The following BTBD7 variants were observed in gnomAD, a reference collection of about 807,000 sequenced individuals.
BTBD7 encodes BTB/POZ domain-containing protein 7.
In BTBD7, 38 loss-of-function variants were observed where a neutral mutation model predicts 99.9. That is an observed-to-expected ratio of 0.38 (90% CI 0.29 to 0.50). The LOEUF is 0.50. BTBD7 is among the 20% of genes least tolerant of loss of function. The probability of loss-of-function intolerance (pLI) is 0.93; values close to 1 mark genes in which losing one functional copy is unlikely to be tolerated. For missense variants in BTBD7, 1,170 were observed against 1,394.6 expected (o/e 0.84, Z 2.57); for synonymous variants, 520 against 511.4 (o/e 1.02, Z -0.23).
Position 93,282,115 on chromosome 14 carries a change from G to A in BTBD7, c.1162+11743C>T, listed in dbSNP as rs564518102. Among the ~76,000 whole-genome samples the A allele has an allele frequency of 9.5e-4, 144 of 152,274 alleles. 2 individuals carry two copies. Among genetic ancestry groups the A allele is most frequent in the African/African-American group, 3.3e-3 (139 of 41,556 alleles). On this transcript the variant is annotated intron_variant, in intron 3 of 10. Coordinates refer to ENST00000334746, the MANE Select transcript of BTBD7 (RefSeq NM_001002860.4). ...CATTTCTATTACAGGAAGCATGACAGCAGTTACCACATAGGTTACTATAAA... is the reference window on the plus strand; with the variant it reads ...CATTTCTATTACAGGAAGCATGACAACAGTTACCACATAGGTTACTATAAA...
chr14:93,310,024 G>A lies in BTBD7; in HGVS notation c.-106-13867C>T, dbSNP rs1046834038. On this transcript the variant is annotated intron_variant, in intron 1 of 10. Coordinates refer to ENST00000334746, the MANE Select transcript of BTBD7 (RefSeq NM_001002860.4). Reference sequence around the variant, plus strand: ...TCTGTTGCAGAGGCTGGGGTGCCGTGGCACAAACATAGCTCACTGCAACCT... The same window carrying A: ...TCTGTTGCAGAGGCTGGGGTGCCGTAGCACAAACATAGCTCACTGCAACCT... Among the ~76,000 whole-genome samples the A allele has an allele frequency of 2.6e-5, 4 of 151,980 alleles. 1 individual carries two copies. Among genetic ancestry groups the A allele is most frequent in the Admixed American group, 6.5e-5 (1 of 15,276 alleles).
At chr14:93,305,744 G>A (rs773308709) in intron 1 of BTBD7, among the ~76,000 whole-genome samples, 6 of 152,162 alleles carry the variant, frequency 3.9e-5, no homozygotes, top group Admixed American at 6.5e-5. Context: ...TTCTGTTGCC[G>A]TAACAGAATA....
At chr14:93,297,861 A>G (rs926463994) in intron 1 of BTBD7, among the ~76,000 whole-genome samples, 67 of 152,286 alleles carry the variant, frequency 4.4e-4, no homozygotes, top group African/African-American at 1.6e-3. Context: ...AATCCAGAAT[A>G]AAACTATCAT....
intron 3 of BTBD7, among the ~76,000 whole-genome samples, chr14:93,291,719 T>C (rs1268764845): frequency 6.6e-6 from 1 of 151,590 alleles, no homozygotes; most frequent in Non-Finnish European, 1.5e-5. Context: ...GTAACCAGAT[T>C]AGACAATGCA....
chr14:93,330,979 T>C (rs1430972562), intron 1 of BTBD7, among the ~76,000 whole-genome samples: 2 of 152,180 alleles, frequency 1.3e-5, no homozygotes, highest in Non-Finnish European at 2.9e-5. Context: ...GGACAGAATA[T>C]TGACCTATGA....
chr14:93,261,565 A>G (rs1450942554), intron 5 of BTBD7, 37 bp downstream of exon 5: 1 of 1,494,886 alleles, frequency 6.7e-7, no homozygotes, highest in East Asian at 2.3e-5. Flanking sequence ...CAAATTTTAC[A>G]CAAGGTAACT....
chr14:93,314,338 T>C (rs1364515186), intron 1 of BTBD7, among the ~76,000 whole-genome samples: 2 of 152,190 alleles, frequency 1.3e-5, no homozygotes, highest in South Asian at 2.1e-4. Context: ...GACTATCTTA[T>C]TTATGAAAAC....
intron 3 of BTBD7, among the ~76,000 whole-genome samples, chr14:93,279,238 T>C (rs901401758): frequency 1.1e-4 from 17 of 152,194 alleles, no homozygotes; most frequent in African/African-American, 3.9e-4. Context: ...ATAGCCGTGT[T>C]TGCCTCTGTT....
intron 1 of BTBD7, among the ~76,000 whole-genome samples, chr14:93,323,974 A>G (rs2053298989): frequency 6.6e-6 from 1 of 152,254 alleles, no homozygotes; most frequent in South Asian, 2.1e-4. Flanking sequence ...CAAACCATAC[A>G]GTCATGTAGA....
chr14:93,302,454 C>T (rs188321381), intron 1 of BTBD7, among the ~76,000 whole-genome samples: 1 of 152,222 alleles, frequency 6.6e-6, no homozygotes, highest in South Asian at 2.1e-4. Flanking sequence ...CGACAGAACA[C>T]GTGTAGCCCA....
chr14:93,267,349 T>TAA, intron 3 of BTBD7, among the ~76,000 whole-genome samples: 1 of 152,214 alleles, frequency 6.6e-6, no homozygotes, highest in Non-Finnish European at 1.5e-5. Context: ...CTTCACTCTT[T>TAA]AAGAGTCTGA....
At position 93,304,614 on chromosome 14, in the gene BTBD7, A is replaced by G. The variant is rs1040464769; in HGVS notation, c.-106-8457T>C. ...TGATCTGCCGGCCTCGTCTTCCCAG[A>G]GTGTTGGGATTACAGGCGTGAGCCA... On this transcript the variant is annotated intron_variant, in intron 1 of 10. Transcript: ENST00000334746. 6.6e-5 allele frequency among the ~76,000 whole-genome samples: 10 copies of G among 152,224 alleles called. No homozygotes were observed. The South Asian group carries it at 1.9e-3, about 28-fold the overall frequency.
chr14:93,310,960 T>C (rs1481384146), intron 1 of BTBD7, among the ~76,000 whole-genome samples: 1 of 152,022 alleles, frequency 6.6e-6, no homozygotes, highest in Non-Finnish European at 1.5e-5. Context: ...TCTTTCTTTA[T>C]TCACTAGCTG....
chr14:93,303,512 A>G (rs1159522052), intron 1 of BTBD7, among the ~76,000 whole-genome samples: 1 of 152,190 alleles, frequency 6.6e-6, no homozygotes, highest in Non-Finnish European at 1.5e-5. Context: ...ACAGGAGCCT[A>G]TCAAAAGAGA....
intron 3 of BTBD7, among the ~76,000 whole-genome samples, chr14:93,277,375 A>C (rs1178128475): frequency 6.6e-6 from 1 of 152,218 alleles, no homozygotes; most frequent in African/African-American, 2.4e-5. Flanking sequence ...TTCTCTGCAC[A>C]AAGACACCAC....
chr14:93,271,328 C>T (rs143376948), intron 3 of BTBD7, among the ~76,000 whole-genome samples: 29 of 152,088 alleles, frequency 1.9e-4, no homozygotes, highest in South Asian at 1.5e-3. Flanking sequence ...AATATATAAA[C>T]GACTTCCAGA....
At position 93,278,562 on chromosome 14, in the gene BTBD7, G is replaced by A. The variant is rs557104467; in HGVS notation, c.1163-14569C>T. Among the ~76,000 whole-genome samples the A allele has an allele frequency of 2.6e-5, 4 of 152,224 alleles. No individual in the cohort carries two copies. The South Asian group carries it at 8.3e-4, about 32-fold the overall frequency. ...CCCCTACCTGTGGAAGAGTAGCTGT[G>A]GAATCACAAGGACCAGGATTCAAAT... On this transcript the variant is annotated intron_variant, in intron 3 of 10. Transcript: ENST00000334746.
intron 5 of BTBD7, among the ~76,000 whole-genome samples, chr14:93,258,005 T>C (rs1428977079): frequency 1.3e-5 from 2 of 152,150 alleles, no homozygotes; most frequent in African/African-American, 4.8e-5. Context: ...TGAACAACAA[T>C]CTGAAATACA....
Position 93,293,288 on chromosome 14 carries a change from CAT to C in BTBD7, c.1162+568_1162+569del, listed in dbSNP as rs535468267. 1.2e-4 allele frequency among the ~76,000 whole-genome samples: 18 copies of C among 152,268 alleles called. 1 individual carries two copies. The South Asian group carries it at 3.5e-3, about 30-fold the overall frequency. ...TAGTTTAAATTAAATGAAGAAGGCA[CAT>C]GAGTCTAGCGCTAACTGTGTTTTAC... On this transcript the variant is annotated intron_variant, in intron 3 of 10. Coordinates refer to ENST00000334746, the MANE Select transcript of BTBD7 (RefSeq NM_001002860.4).
Sources: gnomAD v4.1 joint callset for allele counts (sites outside exome capture counted in the v4.1 genomes callset) on GRCh38, gnomAD v4.1.1 for gene constraint, MANE v1.5 for transcripts, NCBI Gene and HGNC (gene_info 2026-07-23, HGNC 2026-07-21) for gene names.